The following SPI1 variants were observed in gnomAD, a reference collection of about 807,000 sequenced individuals.
SPI1 encodes the protein Spi-1 proto-oncogene.
Under a neutral mutation model 30.7 loss-of-function variants are expected in SPI1, and 3 were observed. The observed-to-expected ratio is 0.10, with a 90% CI of 0.04 to 0.25. SPI1 has a LOEUF of 0.25. SPI1 is among the 10% of genes least tolerant of loss of function. The pLI is 1.00. For missense variants in SPI1, 261 were observed against 371.5 expected (o/e 0.70, Z 2.45); for synonymous variants, 169 against 157.1 (o/e 1.08, Z -0.56).
At chr11:47,358,701 C>T (rs375589762) in intron 4 of SPI1, 143 bp downstream of exon 4, 4 of 867,384 alleles carry the variant, frequency 4.6e-6, no homozygotes, top group Non-Finnish European at 7.5e-6. Context: ...GACAGCCCCA[C>T]AAAACACACA....
In SPI1 at chr11:47,356,381, A is replaced by G. The variant is rs756064386; in HGVS notation, c.494-835T>C. On this transcript the variant is annotated intron_variant, in intron 4 of 4. Transcript: ENST00000378538. ...TCACACCCACTCATGCTCACACCTC[A>G]TTCACACCCACTCACATGCACACTC... Among the ~76,000 whole-genome samples, 2 of 147,150 alleles carry G rather than the reference A, an allele frequency of 1.4e-5. 1 individual carries two copies. Among genetic ancestry groups the G allele is most frequent in the South Asian group, 4.3e-4 (2 of 4,606 alleles).
At chr11:47,376,597 C>T (rs995831232) in intron 1 of SPI1, among the ~76,000 whole-genome samples, 2 of 151,354 alleles carry the variant, frequency 1.3e-5, no homozygotes, top group Non-Finnish European at 2.9e-5. Context: ...TCCCCCTCCT[C>T]ACTCCCCTCT....
chr11:47,355,172 G>A lies in SPI1; in HGVS notation c.*55C>T, dbSNP rs1595852817. 7.9e-7 allele frequency: 1 copy of A among 1,268,906 alleles called. No individual in the cohort carries two copies. The highest frequency in any genetic ancestry group is 1.0e-6 in the Non-Finnish European group (1 of 1,003,778). 78.6% of individuals were successfully genotyped at this position (1,268,906 alleles called of 1,614,324 possible). ...CTCCCTGTGTCCGGGCCGGGCGAGGGCTTAATGCTATGGCCAGCGGGGAGG... is the reference window on the plus strand; with the variant it reads ...CTCCCTGTGTCCGGGCCGGGCGAGGACTTAATGCTATGGCCAGCGGGGAGG... On this transcript the variant is annotated 3_prime_UTR_variant, in exon 5 of 5. Coordinates refer to ENST00000378538, the MANE Select transcript of SPI1 (RefSeq NM_003120.3).
intron 2 of SPI1, among the ~76,000 whole-genome samples, chr11:47,369,121 G>A (rs906122785): frequency 6.6e-6 from 1 of 151,962 alleles, no homozygotes; most frequent in African/African-American, 2.4e-5. Flanking sequence ...GTGTGGTGGC[G>A]CATGCCTGTA....
intron 1 of SPI1, among the ~76,000 whole-genome samples, chr11:47,377,753 C>T (rs189206515): frequency 1.3e-5 from 2 of 152,366 alleles, no homozygotes; most frequent in Non-Finnish European, 2.9e-5. Context: ...TCCCTGTCTC[C>T]TGTGGGTACC....
chr11:47,359,728 G>T lies in SPI1; in HGVS notation c.330+125C>A. 9.1e-7 allele frequency: 1 copy of T among 1,093,922 alleles called. No homozygotes were observed. Among genetic ancestry groups the T allele is most frequent in the Non-Finnish European group, 1.3e-6 (1 of 765,212 alleles). 67.8% of individuals were successfully genotyped at this position (1,093,922 alleles called of 1,614,324 possible). On this transcript the variant is annotated intron_variant, in intron 3 of 4. Coordinates refer to ENST00000378538, the MANE Select transcript of SPI1 (RefSeq NM_003120.3). This position sits in a 1 kb window ranked among gnomAD's most constrained non-coding sequence, Gnocchi z 5.1. ...GGCGGCAGCCGTTGGAGCTCCAGCC[G>T]CCGTTGGCACTGTGGGGCAGGAAGC...
At chr11:47,357,113 ACT>A (rs1490770251) in intron 4 of SPI1, among the ~76,000 whole-genome samples, 1 of 146,538 alleles carries the variant, frequency 6.8e-6, no homozygotes, top group Non-Finnish European at 1.5e-5. Context: ...ATTCACACCC[ACT>A]CACATGCTCA....
At chr11:47,371,899 C>T (rs1227725118) in intron 2 of SPI1, among the ~76,000 whole-genome samples, 1 of 152,098 alleles carries the variant, frequency 6.6e-6, no homozygotes, top group South Asian at 2.1e-4. Flanking sequence ...CTCTCTGGTC[C>T]TCTGTCAGGG....
intron 2 of SPI1, among the ~76,000 whole-genome samples, chr11:47,363,959 T>C: frequency 1.8e-5 from 1 of 56,582 alleles, no homozygotes. Flanking sequence ...CCAGACTCGG[T>C]CTCCAAAAAA....
intron 4 of SPI1, among the ~76,000 whole-genome samples, chr11:47,356,470 C>T (rs1472600323): frequency 6.6e-6 from 1 of 151,382 alleles, no homozygotes; most frequent in Non-Finnish European, 1.5e-5. Flanking sequence ...ACTGCCCCCA[C>T]ACACGGTCAC....
intron 1 of SPI1, among the ~76,000 whole-genome samples, 169 bp downstream of exon 1, chr11:47,378,140 A>G (rs767557404): frequency 6.6e-6 from 1 of 152,246 alleles, no homozygotes; most frequent in Non-Finnish European, 1.5e-5. Flanking sequence ...GCTCCGAGGA[A>G]GCCAATGGCC....
chr11:47,377,754 T>G (rs1231428159), intron 1 of SPI1, among the ~76,000 whole-genome samples: 1 of 152,228 alleles, frequency 6.6e-6, no homozygotes, highest in African/African-American at 2.4e-5. Flanking sequence ...CCCTGTCTCC[T>G]GTGGGTACCC....
At chr11:47,364,817 G>A (rs750397589) in intron 2 of SPI1, among the ~76,000 whole-genome samples, 4 of 152,178 alleles carry the variant, frequency 2.6e-5, no homozygotes, top group Non-Finnish European at 5.9e-5. Context: ...GCCTGTAAAT[G>A]TGGGATCCTG....
chr11:47,365,008 C>G (rs2095926369), intron 2 of SPI1, among the ~76,000 whole-genome samples: 1 of 152,212 alleles, frequency 6.6e-6, no homozygotes, highest in South Asian at 2.1e-4. Flanking sequence ...CTCGCCTTTA[C>G]CTGTGATTTG....
intron 4 of SPI1, among the ~76,000 whole-genome samples, chr11:47,355,881 G>A (rs1565634678): frequency 7.0e-6 from 1 of 142,684 alleles, no homozygotes; most frequent in Non-Finnish European, 1.5e-5. Flanking sequence ...CACACATCAC[G>A]CCCACACCCA....
chr11:47,374,035 A>G lies in SPI1; in HGVS notation c.142+1598T>C, dbSNP rs1324779716. On this transcript the variant is annotated intron_variant, in intron 2 of 4. Coordinates refer to ENST00000378538, the MANE Select transcript of SPI1 (RefSeq NM_003120.3). This position sits in a 1 kb window ranked among gnomAD's most constrained non-coding sequence, Gnocchi z 4.5. ...CTGAAGAGGGATTGGGCCAGGGAGAATGCGTCCTTGTTGGAGGAGGCCTGA... is the reference window on the plus strand; with the variant it reads ...CTGAAGAGGGATTGGGCCAGGGAGAGTGCGTCCTTGTTGGAGGAGGCCTGA... Among the ~76,000 whole-genome samples the G allele has an allele frequency of 6.6e-6, 1 of 152,220 alleles. No individual in the cohort carries two copies. The highest frequency in any genetic ancestry group is 2.4e-5 in the African/African-American group (1 of 41,462).
chr11:47,357,489 A>G (rs2095913173), intron 4 of SPI1, among the ~76,000 whole-genome samples: 1 of 151,240 alleles, frequency 6.6e-6, no homozygotes, highest in African/African-American at 2.4e-5. Flanking sequence ...GCTCACACAC[A>G]TTCTGCTCTC....
intron 4 of SPI1, 24 bp downstream of exon 4, chr11:47,358,820 A>G: frequency 6.5e-7 from 1 of 1,548,524 alleles, no homozygotes; most frequent in Non-Finnish European, 8.7e-7. Flanking sequence ...GGTCGGGGCC[A>G]GGGTGGAGGG....
chr11:47,368,722 CAT>C (rs1378104775), intron 2 of SPI1, among the ~76,000 whole-genome samples: 2 of 152,084 alleles, frequency 1.3e-5, no homozygotes, highest in Non-Finnish European at 2.9e-5. Context: ...TAGGCAAATT[CAT>C]AGAGACAGAA....
Sources: gnomAD v4.1 joint callset for allele counts (sites outside exome capture counted in the v4.1 genomes callset) on GRCh38, gnomAD v4.1.1 for gene constraint, Gnocchi (gnomAD v3.1) non-coding constraint, MANE v1.5 for transcripts, NCBI Gene and HGNC (gene_info 2026-07-23, HGNC 2026-07-21) for gene names.